Variants in MYRIP observed in about 807,000 individuals in gnomAD.
MYRIP encodes the protein myosin VIIA and Rab interacting protein, also known as rab effector MyRIP.
In MYRIP, 49 loss-of-function variants were observed where a neutral mutation model predicts 98.0. That is an observed-to-expected ratio of 0.50 (90% CI 0.40 to 0.63). The LOEUF (loss-of-function observed/expected upper bound fraction) is 0.63. MYRIP is among the 30% of genes least tolerant of loss of function. The pLI, the probability that MYRIP is intolerant of heterozygous loss-of-function variation, is 0.00. For missense variants in MYRIP, 1,004 were observed against 1,058.2 expected (o/e 0.95, Z 0.71); for synonymous variants, 404 against 409.5 (o/e 0.99, Z 0.16).
At chr3:40,092,737 C>T (rs1263362513) in intron 3 of MYRIP, among the ~76,000 whole-genome samples, 2 of 152,216 alleles carry the variant, frequency 1.3e-5, no homozygotes, top group Admixed American at 6.5e-5. Flanking sequence ...TGCTCCAAGT[C>T]ACCCAGCAAA....
At chr3:40,161,212 T>G (rs1251970656) in intron 4 of MYRIP, among the ~76,000 whole-genome samples, 2 of 152,248 alleles carry the variant, frequency 1.3e-5, no homozygotes, top group African/African-American at 4.8e-5. Flanking sequence ...AACAATTCAG[T>G]CCCTTTCTGC....
intron 1 of MYRIP, among the ~76,000 whole-genome samples, chr3:39,836,470 T>C (rs1941629684): frequency 6.6e-6 from 1 of 152,212 alleles, no homozygotes; most frequent in African/African-American, 2.4e-5. Flanking sequence ...TTGTTTAAGT[T>C]CCTTGTAGAT....
chr3:39,993,028 C>T (rs900314612), intron 2 of MYRIP, among the ~76,000 whole-genome samples: 1 of 152,120 alleles, frequency 6.6e-6, no homozygotes, highest in Non-Finnish European at 1.5e-5. Flanking sequence ...TAACAGAATA[C>T]CACAGACTGG....
intron 11 of MYRIP, among the ~76,000 whole-genome samples, chr3:40,213,615 C>CACACAG (rs10662290): frequency 0.82 from 124,161 of 150,702 alleles, 52,323 homozygotes; most frequent in Non-Finnish European, 0.91. Flanking sequence ...GAGCAACACA[C>CACACAG]ACACACACAC....
chr3:39,844,896 C>T (rs1392632872), intron 1 of MYRIP, among the ~76,000 whole-genome samples: 1 of 152,158 alleles, frequency 6.6e-6, no homozygotes, highest in Admixed American at 6.5e-5. Context: ...GCTTATGCCT[C>T]AGGGACAGAG....
At chr3:40,134,316 G>A (rs1003669962) in intron 3 of MYRIP, among the ~76,000 whole-genome samples, 4 of 152,236 alleles carry the variant, frequency 2.6e-5, no homozygotes, top group Admixed American at 6.5e-5. Context: ...CAAACTGCAA[G>A]GCGGCAGCGA....
chr3:39,852,618 G>A (rs1942166009), intron 1 of MYRIP, among the ~76,000 whole-genome samples: 1 of 151,796 alleles, frequency 6.6e-6, no homozygotes, highest in Admixed American at 6.6e-5. Flanking sequence ...GCTCTCACAA[G>A]TGAGAACATA....
intron 2 of MYRIP, among the ~76,000 whole-genome samples, chr3:40,023,090 A>G (rs990955325): frequency 6.6e-6 from 1 of 152,196 alleles, no homozygotes; most frequent in African/African-American, 2.4e-5. Flanking sequence ...GAAGTGGTCT[A>G]AGGAAAAAAC....
intron 2 of MYRIP, among the ~76,000 whole-genome samples, chr3:40,022,794 A>G (rs1000519883): frequency 6.6e-6 from 1 of 152,188 alleles, no homozygotes; most frequent in Non-Finnish European, 1.5e-5. Context: ...TTCCAGAGGG[A>G]TCTTTGGATA....
At chr3:40,063,952 A>C (rs1182356737) in intron 3 of MYRIP, among the ~76,000 whole-genome samples, 3 of 152,126 alleles carry the variant, frequency 2.0e-5, no homozygotes, top group Non-Finnish European at 4.4e-5. Flanking sequence ...GAAGGGATGC[A>C]TGCGCTGGAC....
intron 2 of MYRIP, among the ~76,000 whole-genome samples, chr3:39,930,635 C>T (rs1029311547): frequency 6.6e-6 from 1 of 151,912 alleles, no homozygotes; most frequent in African/African-American, 2.4e-5. Flanking sequence ...CTATATTTTC[C>T]TCTAGGAATT....
chr3:40,221,612 T>C (rs1412986943), intron 11 of MYRIP, among the ~76,000 whole-genome samples: 1 of 152,154 alleles, frequency 6.6e-6, no homozygotes, highest in African/African-American at 2.4e-5. Flanking sequence ...CCTTGGGTGA[T>C]AAAGTGAGAC....
chr3:39,910,148 CA>C (rs1293760691), intron 2 of MYRIP, among the ~76,000 whole-genome samples: 2 of 152,196 alleles, frequency 1.3e-5, no homozygotes. Context: ...CTCTGCCTCC[CA>C]AAGTGCTGGG....
At chr3:40,128,953 A>C (rs1381483935) in intron 3 of MYRIP, among the ~76,000 whole-genome samples, 1 of 152,154 alleles carries the variant, frequency 6.6e-6, no homozygotes, top group East Asian at 1.9e-4. Flanking sequence ...TAGTATTATT[A>C]GCATTGTATT....
intron 3 of MYRIP, among the ~76,000 whole-genome samples, chr3:40,047,131 C>A (rs1025248813): frequency 1.3e-5 from 2 of 152,228 alleles, no homozygotes; most frequent in African/African-American, 4.8e-5. Context: ...TGATGCCAAC[C>A]ATTTGCTATT....
At chr3:40,181,606 CTCTT>C (rs759489020) in intron 8 of MYRIP, among the ~76,000 whole-genome samples, 33 of 152,118 alleles carry the variant, frequency 2.2e-4, no homozygotes, top group African/African-American at 6.8e-4. Flanking sequence ...AAACTTTAGT[CTCTT>C]TCTATTTGAT....
chr3:40,118,559 GTTTATTTATTTA>G (rs200357639), intron 3 of MYRIP, among the ~76,000 whole-genome samples: 4 of 147,010 alleles, frequency 2.7e-5, no homozygotes, highest in African/African-American at 5.0e-5. Flanking sequence ...TGGGTTGAAG[GTTTATTTATTTA>G]TTTATTTATT....
chr3:40,055,933 C>CA (rs1238886562), intron 3 of MYRIP, among the ~76,000 whole-genome samples: 1 of 152,108 alleles, frequency 6.6e-6, no homozygotes, highest in Non-Finnish European at 1.5e-5. Context: ...TGACTAAATC[C>CA]ATGCCATGAA....
intron 2 of MYRIP, among the ~76,000 whole-genome samples, chr3:39,958,334 T>C (rs1367310816): frequency 2.6e-5 from 4 of 152,150 alleles, no homozygotes; most frequent in East Asian, 3.9e-4. Flanking sequence ...AACAGAGATA[T>C]AGACTGATGG....
Sources: gnomAD v4.1 joint callset for allele counts (sites outside exome capture counted in the v4.1 genomes callset) on GRCh38, gnomAD v4.1.1 for gene constraint, MANE v1.5 for transcripts, NCBI Gene and HGNC (gene_info 2026-07-23, HGNC 2026-07-21) for gene names.